CCM2L: variants seen among roughly 807,000 people sequenced by gnomAD.
CCM2L encodes the protein cerebral cavernous malformations 2 protein-like.
In CCM2L, 36 loss-of-function variants were observed where a neutral mutation model predicts 54.1. That is an observed-to-expected ratio of 0.67 (90% CI 0.51 to 0.88). The LOEUF is 0.88. Ranked by LOEUF, CCM2L falls within the 40% of genes least tolerant of loss-of-function variation. CCM2L has a pLI of 0.00. For missense variants in CCM2L, 700 were observed against 812.1 expected (o/e 0.86, Z 1.68); for synonymous variants, 351 against 359.3 (o/e 0.98, Z 0.26).
In CCM2L at chr20:32,018,086, G is replaced by A. The variant is rs773329628; in HGVS notation, c.390G>A (p.Leu130=). 3 of 1,613,042 alleles carry A rather than the reference G, an allele frequency of 1.9e-6. No individual in the cohort carries two copies. In the South Asian group the frequency reaches 3.3e-5, roughly 18 times the overall value. The change falls in exon 4 of 10, where the codon CTG becomes CTA. Residue 130 remains leucine (L), a synonymous_variant. Transcript: ENST00000452892. ...LTWRDNEELI[L]RIPTHEIAAA... ...GGCGCGACAATGAAGAGCTCATTCT[G>A]CGAATCCCTACGCACGAGATCGCCG...
intron 9 of CCM2L, 75 bp downstream of exon 9, chr20:32,029,913 C>G: frequency 7.0e-7 from 1 of 1,432,736 alleles, no homozygotes; most frequent in Non-Finnish European, 9.3e-7. Context: ...AGGCACCAGG[C>G]TGCAAATGTT....
chr20:32,015,397 C>G (rs2064733128), intron 2 of CCM2L, among the ~76,000 whole-genome samples: 1 of 152,134 alleles, frequency 6.6e-6, no homozygotes, highest in Non-Finnish European at 1.5e-5. Flanking sequence ...ATGATGTTTA[C>G]TCAGGAATAG....
In CCM2L at chr20:32,018,142, A is replaced by C. The variant is rs2064756848; in HGVS notation, c.446A>C (p.His149Pro). Residue 149 changes from histidine (H) to proline (P), a missense_variant, in exon 4 of 10, where the codon CAC (histidine) becomes CCC (proline). Coordinates refer to ENST00000452892, the MANE Select transcript of CCM2L (RefSeq NM_001365692.1). ...AASYLQDDAL[H>P]LLVLKTGLGV... ...TCCTACCTGCAGGACGACGCGCTGC[A>C]CCTGCTAGTGCTCAAGACCGGTGCG... 1 of 1,523,064 alleles carries C rather than the reference A, an allele frequency of 6.6e-7. No homozygotes were observed. The highest frequency in any genetic ancestry group is 8.8e-7 in the Non-Finnish European group (1 of 1,130,214). 94.3% of individuals were successfully genotyped at this position (1,523,064 alleles called of 1,614,324 possible). A position where few individuals can be genotyped will look rare whatever the true frequency, so the allele number is the denominator to read the frequency against.
At chr20:32,025,816 C>T (rs1344835118) in intron 6 of CCM2L, 40 bp from the exon 7 acceptor site, 1 of 1,292,032 alleles carries the variant, frequency 7.7e-7, no homozygotes, top group Admixed American at 2.3e-5. Context: ...CTGATCCCTG[C>T]TTTGCTGCCT....
chr20:32,012,045 C>A (rs1358978201), intron 1 of CCM2L, among the ~76,000 whole-genome samples: 4 of 151,872 alleles, frequency 2.6e-5, no homozygotes, highest in Non-Finnish European at 5.9e-5. Flanking sequence ...TTTGAGGCAT[C>A]CAGAATTTTG....
In CCM2L at chr20:32,019,215, TG is replaced by T; in HGVS notation, c.742del (p.Glu248SerfsTer61). 1 of 1,150,274 alleles carries T rather than the reference TG, an allele frequency of 8.7e-7. No individual in the cohort carries two copies. The highest frequency in any genetic ancestry group is 1.1e-6 in the Non-Finnish European group (1 of 923,656). The allele number at this position is 1,150,274 out of a possible 1,614,324, so 71.3% of individuals were successfully genotyped here. ...GCGACGGCAGACGTTCAGCGGCAGC[TG>T]GGAGCGGCGGCACGGAGGCGGCGGC... ...WERRQTFSGS[W>X]ERRHGGGGGG... On this transcript the variant is annotated frameshift_variant, in exon 5 of 10. Transcript: ENST00000452892. LOFTEE classifies it high-confidence loss of function.
Position 32,014,996 on chromosome 20 carries a change from G to A in CCM2L, c.123G>A (p.Ser41=), listed in dbSNP as rs145192423. The change falls in exon 2 of 10, where the codon TCG becomes TCA. Residue 41 remains serine (S), a synonymous_variant. Transcript: ENST00000452892. The part of the protein sequence containing the change: ...RSSVSRRPLH[S]MPLYPPDYLI... ...GCGTGAGCCGCCGGCCCCTGCACTCGATGCCCCTTTATCCCCCCGACTACC... is the reference window on the plus strand; with the variant it reads ...GCGTGAGCCGCCGGCCCCTGCACTCAATGCCCCTTTATCCCCCCGACTACC... 4.0e-5 allele frequency: 63 copies of A among 1,580,404 alleles called. No homozygotes were observed. Among genetic ancestry groups the A allele is most frequent in the East Asian group, 1.9e-4 (8 of 41,316 alleles).
At chr20:32,028,792 A>AGGGGGGT (rs1327842029) in intron 7 of CCM2L, 3 of 561,778 alleles carry the variant, frequency 5.3e-6, no homozygotes, top group African/African-American at 2.3e-5. Context: ...AAGAAGGAGA[A>AGGGGGGT]GGGGGGTGGG....
chr20:32,022,896 C>A (rs1176272973), intron 6 of CCM2L, 101 bp downstream of exon 6: 47 of 1,280,548 alleles, frequency 3.7e-5, no homozygotes, highest in Non-Finnish European at 5.0e-5. Context: ...GTATTTAGGG[C>A]TCCTGATCTC....
chr20:32,015,630 G>A (rs911140703), intron 2 of CCM2L, among the ~76,000 whole-genome samples: 1 of 152,214 alleles, frequency 6.6e-6, no homozygotes, highest in East Asian at 1.9e-4. Flanking sequence ...GATGGCCTTT[G>A]TGCAAAGTTG....
At position 32,029,703 on chromosome 20, in the gene CCM2L, C is replaced by T. The variant is rs371464754; in HGVS notation, c.1267C>T (p.Arg423Trp). ...EQLQDYMVTLRSKLGPLEIQQ... is the reference protein window; with the variant it reads ...EQLQDYMVTLWSKLGPLEIQQ... ...TCGAATGGTGTCCCCCACATAGTTG[C>T]GGAGTAAGCTGGGGCCCCTCGAGAT... Residue 423 changes from arginine (R) to tryptophan (W), a missense_variant, in exon 9 of 10, where the codon CGG becomes TGG. Transcript: ENST00000452892. 12 of 1,607,356 alleles carry T rather than the reference C, an allele frequency of 7.5e-6. No individual in the cohort carries two copies. Among genetic ancestry groups the T allele is most frequent in the Admixed American group, 3.4e-5 (2 of 59,112 alleles).
At chr20:32,014,855 C>A (rs1600672328) in intron 1 of CCM2L, 49 bp from the exon 2 acceptor site, 5 of 1,507,510 alleles carry the variant, frequency 3.3e-6, no homozygotes, top group Non-Finnish European at 4.5e-6. Flanking sequence ...AGTAAGAGTT[C>A]AATAAAAGCA....
chr20:32,023,741 T>G (rs1170600751), intron 6 of CCM2L, among the ~76,000 whole-genome samples: 1 of 152,218 alleles, frequency 6.6e-6, no homozygotes, highest in Non-Finnish European at 1.5e-5. Context: ...TGTTGTTGTT[T>G]GTTTGTTTGA....
At chr20:32,020,828 A>G (rs2064799134) in intron 5 of CCM2L, among the ~76,000 whole-genome samples, 1 of 152,170 alleles carries the variant, frequency 6.6e-6, no homozygotes, top group Admixed American at 6.5e-5. Context: ...TACGAAAAAT[A>G]CAAAAATTAG....
chr20:32,024,684 G>T (rs549291962), intron 6 of CCM2L, among the ~76,000 whole-genome samples: 1 of 152,276 alleles, frequency 6.6e-6, no homozygotes, highest in Admixed American at 6.5e-5. Flanking sequence ...AAAATTAGCT[G>T]GGCATGGTAG....
chr20:32,030,333 G>C (rs1257119424), intron 9 of CCM2L, among the ~76,000 whole-genome samples: 2 of 152,160 alleles, frequency 1.3e-5, no homozygotes, highest in African/African-American at 2.4e-5. Flanking sequence ...CTGAGACTCA[G>C]AGTTACAAAG....
Position 32,022,657 on chromosome 20 carries a change from C to T in CCM2L, c.934-3C>T, listed in dbSNP as rs1420471563. On this transcript the variant is annotated splice_region_variant and splice_polypyrimidine_tract_variant and intron_variant, in intron 5 of 9. Transcript: ENST00000452892. ...GAGCTCTCTCTCCTCCTCCCTGGGC[C>T]AGGACGCTGCAGAGGAGTCCTGCGC... 6.2e-7 allele frequency: 1 copy of T among 1,613,996 alleles called. No individual in the cohort carries two copies. Among genetic ancestry groups the T allele is most frequent in the East Asian group, 2.2e-5 (1 of 44,886 alleles).
rs2122381675 is a variant in CCM2L at position 32,031,198 on chromosome 20, C to T, written c.1600C>T (p.Leu534=). Residue 534 remains leucine, a synonymous_variant, in exon 10 of 10, where the codon CTG becomes TTG. Transcript: ENST00000452892. The part of the protein sequence containing the change: ...RPEAQAFHRL[L]ADITHDIEAL... ...CGAGGCACAGGCCTTCCACCGGCTG[C>T]TGGCTGACATCACGCACGACATCGA... 2.3e-6 allele frequency: 3 copies of T among 1,301,594 alleles called. No homozygotes were observed. The highest frequency in any genetic ancestry group is 2.1e-4 in the Middle Eastern group (1 of 4,694). The allele number at this position is 1,301,594 out of a possible 1,614,324, so 80.6% of individuals were successfully genotyped here.
In CCM2L at chr20:32,014,896, CT is replaced by C; in HGVS notation, c.31-7del. 1.3e-6 allele frequency: 2 copies of C among 1,590,038 alleles called. No homozygotes were observed. The highest frequency in any genetic ancestry group is 1.7e-6 in the Non-Finnish European group (2 of 1,169,612). On this transcript the variant is annotated splice_region_variant and splice_polypyrimidine_tract_variant and intron_variant, in intron 1 of 9. Coordinates refer to ENST00000452892, the MANE Select transcript of CCM2L (RefSeq NM_001365692.1). Reference sequence around the variant, plus strand: ...TGTTATCACTCTCATTCCTCCTCTCCTCCCCAGGGCTTTGTATCCCCCATCC... The same window carrying C: ...TGTTATCACTCTCATTCCTCCTCTCCCCCCAGGGCTTTGTATCCCCCATCC...
Sources: gnomAD v4.1 joint callset for allele counts (sites outside exome capture counted in the v4.1 genomes callset) on GRCh38, gnomAD v4.1.1 for gene constraint, MANE v1.5 for transcripts, NCBI Gene and HGNC (gene_info 2026-07-23, HGNC 2026-07-21) for gene names.